The following MAST2 variants were observed in gnomAD, a reference collection of about 807,000 sequenced individuals.
The protein encoded by MAST2 is microtubule associated serine/threonine kinase 2, also known as microtubule-associated serine/threonine-protein kinase 2.
A neutral mutation model predicts 147.4 loss-of-function variants in MAST2; 70 were observed. The ratio of observed to expected loss-of-function variants is 0.47; its 90% CI spans 0.39 to 0.58. MAST2 has a LOEUF of 0.58. MAST2 is among the 20% of genes least tolerant of loss of function. MAST2 has a pLI of 0.00. For missense variants in MAST2, 2,080 were observed against 2,302.3 expected (o/e 0.90, Z 1.98); for synonymous variants, 869 against 896.8 (o/e 0.97, Z 0.55).
chr1:45,823,924 A>G (rs1172070658), intron 1 of MAST2, among the ~76,000 whole-genome samples: 1 of 152,140 alleles, frequency 6.6e-6, no homozygotes, highest in African/African-American at 2.4e-5. Flanking sequence ...GTATTTTCTG[A>G]TAGTACTTTT....
intron 1 of MAST2, among the ~76,000 whole-genome samples, chr1:45,811,575 G>A (rs1237694380): frequency 6.7e-6 from 1 of 149,540 alleles, no homozygotes; most frequent in African/African-American, 2.5e-5. Flanking sequence ...TCCTGACCTC[G>A]TGATCTGCCC....
At chr1:45,875,413 TC>T (rs1164665159) in intron 3 of MAST2, among the ~76,000 whole-genome samples, 2 of 152,178 alleles carry the variant, frequency 1.3e-5, no homozygotes, top group Non-Finnish European at 2.9e-5. Flanking sequence ...GCCACTGCAC[TC>T]CAGCCTGGGT....
rs1385026370 is a variant in MAST2, at chr1:45,944,429, CTT to C, written c.501-14956_501-14955del. On this transcript the variant is annotated intron_variant, in intron 4 of 28. Transcript: ENST00000361297. ...CTATTTCAGTGTCAAATTAATACAACTTAATATTATTTCTAATAAAGTCATTG... is the reference window on the plus strand; with the variant it reads ...CTATTTCAGTGTCAAATTAATACAACAATATTATTTCTAATAAAGTCATTG... 2.6e-5 allele frequency among the ~76,000 whole-genome samples: 4 copies of C among 152,196 alleles called. No homozygotes were observed. In the South Asian group the frequency reaches 6.2e-4, roughly 24 times the overall value.
Position 46,002,865 on chromosome 1 carries a change from T to G in MAST2, c.729T>G (p.Thr243=). The change falls in exon 7 of 29, where the codon ACT becomes ACG. Residue 243 remains threonine, a synonymous_variant. Coordinates refer to ENST00000361297, the MANE Select transcript of MAST2 (RefSeq NM_015112.3). ...SLPSSGYGTN[T]PSSTVSSSCS... ...CCTCTTCAGGATATGGAACTAACAC[T>G]CCTAGCTCCACTGTCTCAGTAAGTA... 3 of 1,614,132 alleles carry G rather than the reference T, an allele frequency of 1.9e-6. No individual in the cohort carries two copies. In the South Asian group the frequency reaches 3.3e-5, roughly 18 times the overall value.
At chr1:45,873,651 A>G (rs1646487463) in intron 3 of MAST2, among the ~76,000 whole-genome samples, 1 of 152,180 alleles carries the variant, frequency 6.6e-6, no homozygotes, top group Non-Finnish European at 1.5e-5. Context: ...AGGTTTAATG[A>G]CTGACCAAGA....
intron 9 of MAST2, among the ~76,000 whole-genome samples, chr1:46,010,514 G>A (rs1645669770): frequency 6.6e-6 from 1 of 152,216 alleles, no homozygotes; most frequent in Non-Finnish European, 1.5e-5. Flanking sequence ...AAGACCAGGT[G>A]AAAGAGGGCC....
rs909997197 is a variant in MAST2, at chr1:45,810,810, CAA to C, written c.177+6756_177+6757del. Among the ~76,000 whole-genome samples the C allele has an allele frequency of 6.2e-3, 221 of 35,554 alleles. 1 individual carries two copies. Among genetic ancestry groups the C allele is most frequent in the East Asian group, 0.052 (58 of 1,116 alleles). 23.3% of individuals were successfully genotyped at this position (35,554 alleles called of 152,430 possible). A position where few individuals can be genotyped will look rare whatever the true frequency, so the allele number is the denominator to read the frequency against. ...TGGGCGACAGAGCGAGACTCCATCT[CAA>C]AAAAAAAAAAAAAAAAAGGATAATA... On this transcript the variant is annotated intron_variant, in intron 1 of 28. Transcript: ENST00000361297.
rs377420701 is a variant in MAST2 at position 45,805,864 on chromosome 1, T to G, written c.177+1792T>G. Among the ~76,000 whole-genome samples, 25 of 152,356 alleles carry G rather than the reference T, an allele frequency of 1.6e-4. 1 individual carries two copies. The South Asian group carries it at 5.2e-3, about 32-fold the overall frequency. ...CCTGAATTGTGTAACCTACCCAAACTACTTTGTTATCTCTTCTTTGCTTCC... is the reference window on the plus strand; with the variant it reads ...CCTGAATTGTGTAACCTACCCAAACGACTTTGTTATCTCTTCTTTGCTTCC... On this transcript the variant is annotated intron_variant, in intron 1 of 28. Transcript: ENST00000361297.
rs572680245 is a variant in MAST2, at chr1:45,943,615, C to T, written c.501-15771C>T. Among the ~76,000 whole-genome samples the T allele has an allele frequency of 6.6e-5, 10 of 152,200 alleles. No homozygotes were observed. In the South Asian group the frequency reaches 1.7e-3, roughly 25 times the overall value. ...ACAAAATTAGCTGGGCGTGGTGACG[C>T]GTGCCTGTAATCCCGGCTACTCAGG... On this transcript the variant is annotated intron_variant, in intron 4 of 28. Transcript: ENST00000361297.
chr1:45,843,345 C>T (rs1281545298), intron 3 of MAST2, among the ~76,000 whole-genome samples: 1 of 152,114 alleles, frequency 6.6e-6, no homozygotes, highest in Non-Finnish European at 1.5e-5. Flanking sequence ...GAATCCATTG[C>T]CAGCTCCAAG....
intron 4 of MAST2, among the ~76,000 whole-genome samples, chr1:45,907,463 C>CTTT (rs59039717): frequency 0.037 from 5,163 of 140,886 alleles, 178 homozygotes; most frequent in South Asian, 0.16. Context: ...GCCATTTTAA[C>CTTT]TTTTTTTTTT....
intron 9 of MAST2, among the ~76,000 whole-genome samples, chr1:46,009,123 C>T (rs1188768673): frequency 4.6e-5 from 7 of 152,116 alleles, no homozygotes; most frequent in Non-Finnish European, 1.0e-4. Context: ...GGCACCATCT[C>T]GGCTCACTGC....
At chr1:46,025,572 C>G (rs1185402870) in intron 15 of MAST2, 105 bp from the exon 16 acceptor site, 1 of 1,349,420 alleles carries the variant, frequency 7.4e-7, no homozygotes, top group Non-Finnish European at 1.0e-6. Flanking sequence ...CCAGGATATT[C>G]CATGAAGCTG....
intron 4 of MAST2, among the ~76,000 whole-genome samples, chr1:45,936,968 C>T (rs1485176067): frequency 6.7e-6 from 1 of 150,018 alleles, no homozygotes; most frequent in Admixed American, 6.6e-5. Context: ...GCCTCAAACT[C>T]CTAGGCTCAA....
rs980411081 is a variant in MAST2 at position 45,803,971 on chromosome 1, G to A, written c.76G>A (p.Ala26Thr). ...DRREDGVQRAAELSQSLPPRR... is the reference protein window; with the variant it reads ...DRREDGVQRATELSQSLPPRR... Reference sequence around the variant, plus strand: ...CCGGGAGGATGGAGTTCAGCGGGCAGCGGAGCTGTCTCAGTCTTTGCCGCC... The same window carrying A: ...CCGGGAGGATGGAGTTCAGCGGGCAACGGAGCTGTCTCAGTCTTTGCCGCC... Residue 26 changes from alanine (A) to threonine (T), a missense_variant, in exon 1 of 29, where the codon GCG becomes ACG. By Grantham distance (58) the Ala-to-Thr change is moderately conservative. This residue lies in a region of MAST2 where 24 missense variants were observed against 46.1 expected (regional missense o/e 0.52). Coordinates refer to ENST00000361297, the MANE Select transcript of MAST2 (RefSeq NM_015112.3). 1 of 1,067,742 alleles carries A rather than the reference G, an allele frequency of 9.4e-7. No individual in the cohort carries two copies. The highest frequency in any genetic ancestry group is 1.7e-5 in the African/African-American group (1 of 59,754). 66.1% of individuals were successfully genotyped at this position (1,067,742 alleles called of 1,614,324 possible).
chr1:45,977,285 C>G (rs368380613), intron 5 of MAST2, among the ~76,000 whole-genome samples: 54 of 150,588 alleles, frequency 3.6e-4, no homozygotes, highest in Non-Finnish European at 7.5e-4. Flanking sequence ...GTCAGGAGTT[C>G]GAGACCAGCC....
chr1:45,891,649 T>C (rs771124451), intron 4 of MAST2, among the ~76,000 whole-genome samples: 27 of 152,056 alleles, frequency 1.8e-4, no homozygotes, highest in Non-Finnish European at 3.7e-4. Context: ...CTTTTTTAAC[T>C]TTTTCCAATT....
chr1:45,835,552 A>G (rs1645079561), intron 3 of MAST2, among the ~76,000 whole-genome samples: 1 of 152,156 alleles, frequency 6.6e-6, no homozygotes. Flanking sequence ...CTCATGTTGA[A>G]TATGATGTCA....
intron 3 of MAST2, among the ~76,000 whole-genome samples, chr1:45,874,740 C>G (rs1010407565): frequency 1.3e-5 from 2 of 152,126 alleles, no homozygotes; most frequent in Non-Finnish European, 2.9e-5. Flanking sequence ...AGACTAATTC[C>G]TACTCTCCTG....
Sources: gnomAD v4.1 joint callset for allele counts (sites outside exome capture counted in the v4.1 genomes callset) on GRCh38, gnomAD v4.1.1 for gene constraint, gnomAD v4.1.1 regional missense constraint, MANE v1.5 for transcripts, NCBI Gene and HGNC (gene_info 2026-07-23, HGNC 2026-07-21) for gene names.